Variants in FOXP2 observed in about 807,000 individuals in gnomAD.
FOXP2 encodes the protein forkhead box protein P2.
A neutral mutation model predicts 115.8 loss-of-function variants in FOXP2; 12 were observed. That is an observed-to-expected ratio of 0.10 (90% CI 0.07 to 0.17). FOXP2 has a LOEUF of 0.17. Ranked by LOEUF, FOXP2 falls within the 10% of genes least tolerant of loss-of-function variation. FOXP2 has a pLI of 1.00. For synonymous variants in FOXP2, 328 were observed against 297.7 expected, an observed-to-expected ratio of 1.10 and a Z score of -1.05; for missense variants, 629 against 843.5, an observed-to-expected ratio of 0.75 and a Z score of 3.15.
chr7:114,502,912 A>G (rs941548467), intron 2 of FOXP2, among the ~76,000 whole-genome samples: 4 of 152,050 alleles, frequency 2.6e-5, no homozygotes, highest in Non-Finnish European at 5.9e-5. Context: ...AGAACGCATA[A>G]TTGTCTACAG....
intron 8 of FOXP2, among the ~76,000 whole-genome samples, chr7:114,649,636 T>C (rs982870108): frequency 6.6e-6 from 1 of 152,144 alleles, no homozygotes; most frequent in East Asian, 1.9e-4. Context: ...TTTAGTCTTA[T>C]TACATTGTAT....
chr7:114,664,634 A>G (rs538162603), intron 16 of FOXP2, 198 bp downstream of exon 16: 1 of 617,940 alleles, frequency 1.6e-6, no homozygotes, highest in African/African-American at 1.8e-5. Flanking sequence ...CTCAAATGCC[A>G]TATCATTATT....
At chr7:114,559,928 T>C (rs959540451) in intron 3 of FOXP2, among the ~76,000 whole-genome samples, 2 of 151,664 alleles carry the variant, frequency 1.3e-5, no homozygotes, top group African/African-American at 4.8e-5. Context: ...TAATTTAAAA[T>C]CTTACTTTAG....
At chr7:114,124,992 C>T (rs540356917) in intron 1 of FOXP2, among the ~76,000 whole-genome samples, 2 of 152,204 alleles carry the variant, frequency 1.3e-5, no homozygotes, top group South Asian at 4.1e-4. Flanking sequence ...TCCAGCAATG[C>T]ACAGCTAGAA....
chr7:114,466,013 C>T (rs1795783703), intron 2 of FOXP2, among the ~76,000 whole-genome samples: 1 of 152,162 alleles, frequency 6.6e-6, no homozygotes, highest in East Asian at 1.9e-4. Flanking sequence ...CCTCATTATA[C>T]CCAAATCATA....
At chr7:114,320,496 T>A (rs907947977) in intron 2 of FOXP2, among the ~76,000 whole-genome samples, 1 of 152,198 alleles carries the variant, frequency 6.6e-6, no homozygotes, top group African/African-American at 2.4e-5. Context: ...ATATTGTAAC[T>A]TCTTTGTTTA....
intron 16 of FOXP2, among the ~76,000 whole-genome samples, chr7:114,676,931 T>C (rs752032150): frequency 9.9e-5 from 15 of 152,092 alleles, no homozygotes; most frequent in Non-Finnish European, 2.1e-4. Context: ...ACAGCATTTG[T>C]TGACATTTGT....
At position 114,664,321 on chromosome 7, in the gene FOXP2, A is replaced by G. The variant is rs746884663; in HGVS notation, c.1888A>G (p.Ile630Val). 2 of 1,613,602 alleles carry G rather than the reference A, an allele frequency of 1.2e-6. No homozygotes were observed. Among genetic ancestry groups the G allele is most frequent in the Admixed American group, 1.7e-5 (1 of 59,908 alleles). Residue 630 changes from isoleucine to valine, a missense_variant, in exon 16 of 17, where the codon ATA becomes GTA. Coordinates refer to ENST00000350908, the MANE Select transcript of FOXP2 (RefSeq NM_014491.4). ...SLPLLSNPGL[I>V]NNASSGLLQA... Reference sequence around the variant, plus strand: ...ACCTTTGCTAAGTAATCCTGGACTGATAAATAATGCATCCAGTGGCCTACT... The same window carrying G: ...ACCTTTGCTAAGTAATCCTGGACTGGTAAATAATGCATCCAGTGGCCTACT...
chr7:114,442,224 C>A (rs1794634786), intron 2 of FOXP2, among the ~76,000 whole-genome samples: 1 of 152,034 alleles, frequency 6.6e-6, no homozygotes, highest in Admixed American at 6.6e-5. Context: ...TGAGCCCAGC[C>A]AGATATTTTA....
chr7:114,278,749 T>G (rs2129174435), intron 1 of FOXP2, among the ~76,000 whole-genome samples: 1 of 152,308 alleles, frequency 6.6e-6, no homozygotes, highest in African/African-American at 2.4e-5. Context: ...TGAGCATATT[T>G]TCTAAACCAA....
chr7:114,160,602 A>C (rs1406957310), upstream of FOXP2, among the ~76,000 whole-genome samples: 2 of 152,148 alleles, frequency 1.3e-5, no homozygotes, highest in Non-Finnish European at 2.9e-5. Context: ...TACTTGAGAG[A>C]ATCTGCAAAT....
chr7:114,340,507 TC>T lies in FOXP2; in HGVS notation c.-11+52399del, dbSNP rs1791175455. Among the ~76,000 whole-genome samples, 3 of 151,296 alleles carry T rather than the reference TC, an allele frequency of 2.0e-5. No individual in the cohort carries two copies. In the South Asian group the frequency reaches 6.2e-4, roughly 31 times the overall value. On this transcript the variant is annotated intron_variant, in intron 2 of 17. Transcript: ENST00000634411. ...ATTTTGTTAATTTTGGTCTTAAAAT[TC>T]AGGTACATAACTATTTTAATTCAAA...
upstream of FOXP2, among the ~76,000 whole-genome samples, chr7:114,161,376 A>G (rs1792826494): frequency 6.6e-6 from 1 of 152,206 alleles, no homozygotes; most frequent in Non-Finnish European, 1.5e-5. Context: ...TATCATTTAC[A>G]TTGGTTAAAA....
intron 2 of FOXP2, among the ~76,000 whole-genome samples, chr7:114,337,916 G>A (rs1188027521): frequency 6.6e-6 from 1 of 151,042 alleles, no homozygotes. Flanking sequence ...AAATGATACA[G>A]GTTTGTAACA....
intron 2 of FOXP2, among the ~76,000 whole-genome samples, chr7:114,401,640 G>A (rs1307750676): frequency 6.6e-6 from 1 of 152,144 alleles, no homozygotes; most frequent in African/African-American, 2.4e-5. Context: ...TCAAAGCCAG[G>A]TCTGTTAGAT....
chr7:114,340,950 T>C (rs1309535872), intron 2 of FOXP2, among the ~76,000 whole-genome samples: 1 of 151,178 alleles, frequency 6.6e-6, no homozygotes, highest in Admixed American at 6.6e-5. Flanking sequence ...ATCTAAAATA[T>C]CCTTAGAGGT....
At chr7:114,115,652 T>G (rs1791385368) in intron 1 of FOXP2, among the ~76,000 whole-genome samples, 1 of 152,180 alleles carries the variant, frequency 6.6e-6, no homozygotes, top group South Asian at 2.1e-4. Flanking sequence ...TGCAGCTTCC[T>G]CGTGGAACTC....
chr7:114,400,232 T>C (rs915737413), intron 2 of FOXP2, among the ~76,000 whole-genome samples: 5 of 152,090 alleles, frequency 3.3e-5, no homozygotes, highest in African/African-American at 1.2e-4. Flanking sequence ...GGGGATGTTA[T>C]GCAAGAAAAT....
At chr7:114,473,932 T>C (rs577669701) in intron 2 of FOXP2, among the ~76,000 whole-genome samples, 2 of 152,270 alleles carry the variant, frequency 1.3e-5, no homozygotes, top group South Asian at 4.1e-4. Context: ...AACAAAAATA[T>C]GGCCATTGCC....
Sources: gnomAD v4.1 joint callset for allele counts (sites outside exome capture counted in the v4.1 genomes callset) on GRCh38, gnomAD v4.1.1 for gene constraint, MANE v1.5 for transcripts, NCBI Gene and HGNC (gene_info 2026-07-23, HGNC 2026-07-21) for gene names.